Variants in BBS4 observed in about 807,000 individuals in gnomAD.
BBS4 encodes Bardet-Biedl syndrome 4.
BBS4 carries 58 observed loss-of-function variants against 71.4 expected under a neutral mutation model. That is an observed-to-expected ratio of 0.81 (90% CI 0.66 to 1.01). The LOEUF (loss-of-function observed/expected upper bound fraction) is 1.01. Among genes scored for constraint, BBS4 ranks in the 50% least tolerant of loss-of-function variants. The pLI is 0.00. For missense variants in BBS4, 660 were observed against 607.9 expected, an observed-to-expected ratio of 1.09 and a Z score of -0.90; for synonymous variants, 228 against 216.8, an observed-to-expected ratio of 1.05 and a Z score of -0.46.
rs138635761 is a variant in BBS4 at position 72,734,503 on chromosome 15, G to A, written c.1037-610G>A. Among the ~76,000 whole-genome samples the A allele has an allele frequency of 3.6e-3, 546 of 152,274 alleles. 3 individuals carry two copies. Among genetic ancestry groups the A allele is most frequent in the African/African-American group, 0.012 (508 of 41,554 alleles). On this transcript the variant is annotated intron_variant, in intron 12 of 15. Transcript: ENST00000268057. ...TGGGGTCAGATTATGGAGGTCATGCGTACAGTGCAAGGACTTTATCTTAGA... is the reference window on the plus strand; with the variant it reads ...TGGGGTCAGATTATGGAGGTCATGCATACAGTGCAAGGACTTTATCTTAGA...
Position 72,700,384 on chromosome 15 carries a change from GTTGTACAGTTTTAC to G in BBS4, c.76+5157_76+5170del, listed in dbSNP as rs2065149518. Among the ~76,000 whole-genome samples, 6 of 152,310 alleles carry G rather than the reference GTTGTACAGTTTTAC, an allele frequency of 3.9e-5. No individual in the cohort carries two copies. In the South Asian group the frequency reaches 1.2e-3, roughly 32 times the overall value. On this transcript the variant is annotated intron_variant, in intron 2 of 15. Coordinates refer to ENST00000268057, the MANE Select transcript of BBS4 (RefSeq NM_033028.5). ...AACTGCCGAAGTATTTTCCAAAGTGGTTGTACAGTTTTACCCGACCGCCAGCAACGTGTGAGGAT... is the reference window on the plus strand; with the variant it reads ...AACTGCCGAAGTATTTTCCAAAGTGGCCGACCGCCAGCAACGTGTGAGGAT...
At chr15:72,730,233 C>A (rs1009587068) in intron 10 of BBS4, among the ~76,000 whole-genome samples, 1 of 149,510 alleles carries the variant, frequency 6.7e-6, no homozygotes, top group African/African-American at 2.5e-5. Context: ...GCTGAGATCA[C>A]GCGCCACTGC....
Position 72,735,831 on chromosome 15 carries a change from C to T in BBS4, c.1113C>T (p.Asn371=). ...YAEAVHLDKC[N]PLVNLNYAVL... is the part of the protein sequence containing the mutation. ...GAATCTCTGTCTGCCACAGGTGTAACCCTTTAGTAAACCTGAACTATGCTG... is the reference window on the plus strand; with the variant it reads ...GAATCTCTGTCTGCCACAGGTGTAATCCTTTAGTAAACCTGAACTATGCTG... Residue 371 remains asparagine (N), a synonymous_variant, in exon 14 of 16, where the codon AAC becomes AAT. Transcript: ENST00000268057. 6.2e-7 allele frequency: 1 copy of T among 1,614,116 alleles called. No homozygotes were observed. The highest frequency in any genetic ancestry group is 8.5e-7 in the Non-Finnish European group (1 of 1,180,018).
intron 11 of BBS4, 45 bp downstream of exon 11, chr15:72,731,502 T>C: frequency 6.2e-7 from 1 of 1,614,228 alleles, no homozygotes; most frequent in Non-Finnish European, 8.5e-7. Flanking sequence ...TACATGTGGT[T>C]ATTGGGTCTG....
At chr15:72,717,190 C>G (rs565929189) in intron 6 of BBS4, 31 of 276,046 alleles carry the variant, frequency 1.1e-4, no homozygotes, top group South Asian at 9.5e-4. Flanking sequence ...TTTCCCGTCC[C>G]CATCTGTGTG....
At chr15:72,730,136 G>T in intron 10 of BBS4, among the ~76,000 whole-genome samples, 1 of 151,968 alleles carries the variant, frequency 6.6e-6, no homozygotes, top group Non-Finnish European at 1.5e-5. Context: ...AATTAGCCGG[G>T]CGTGGTGGCG....
chr15:72,707,290 T>C (rs1671906368), intron 2 of BBS4, among the ~76,000 whole-genome samples: 2 of 151,468 alleles, frequency 1.3e-5, no homozygotes, highest in South Asian at 4.2e-4. Flanking sequence ...GTGATTCTGG[T>C]GCCCAAGCCT....
rs749495840 is a variant in BBS4 at position 72,735,036 on chromosome 15, T to C, written c.1037-77T>C. 9.3e-6 allele frequency: 10 copies of C among 1,074,232 alleles called. No individual in the cohort carries two copies. The South Asian group carries it at 1.3e-4, about 14-fold the overall frequency. 66.5% of individuals were successfully genotyped at this position (1,074,232 alleles called of 1,614,324 possible). A position where few individuals can be genotyped will look rare whatever the true frequency, so the allele number is the denominator to read the frequency against. On this transcript the variant is annotated intron_variant, in intron 12 of 15. Coordinates refer to ENST00000268057, the MANE Select transcript of BBS4 (RefSeq NM_033028.5). ...TGCCATGAGCTGACAGGGTGAAGTTTACTTTGGGGGTAGTCTTTAATACTC... is the reference window on the plus strand; with the variant it reads ...TGCCATGAGCTGACAGGGTGAAGTTCACTTTGGGGGTAGTCTTTAATACTC...
At chr15:72,693,573 G>A (rs1400171153) in intron 1 of BBS4, among the ~76,000 whole-genome samples, 1 of 152,170 alleles carries the variant, frequency 6.6e-6, no homozygotes, top group Non-Finnish European at 1.5e-5. Flanking sequence ...GTAAACATGA[G>A]TGTGGGTATG....
At chr15:72,714,807 A>T (rs926509375) in intron 4 of BBS4, among the ~76,000 whole-genome samples, 2 of 152,158 alleles carry the variant, frequency 1.3e-5, no homozygotes, top group Non-Finnish European at 1.5e-5. Flanking sequence ...CTCTGGTTCT[A>T]ATTGGTTGTT....
At chr15:72,707,978 T>G (rs1378399428) in intron 2 of BBS4, among the ~76,000 whole-genome samples, 1 of 152,110 alleles carries the variant, frequency 6.6e-6, no homozygotes, top group Non-Finnish European at 1.5e-5. Flanking sequence ...TGATTTTTTT[T>G]TTTTTTTGAG....
chr15:72,733,678 G>A (rs1178517591), intron 12 of BBS4, among the ~76,000 whole-genome samples: 1 of 152,160 alleles, frequency 6.6e-6, no homozygotes. Context: ...TACCATTGAT[G>A]GGCATTTAGG....
chr15:72,697,837 G>A (rs1449491504), intron 2 of BBS4, among the ~76,000 whole-genome samples: 2 of 152,252 alleles, frequency 1.3e-5, no homozygotes, highest in African/African-American at 4.8e-5. Flanking sequence ...GGGATAAACA[G>A]ATTTCTGTTT....
intron 8 of BBS4, among the ~76,000 whole-genome samples, chr15:72,727,081 G>A (rs2065716435): frequency 6.6e-6 from 1 of 152,228 alleles, no homozygotes; most frequent in South Asian, 2.1e-4. Context: ...GGCAGAAAGT[G>A]AAAGGCGGAT....
intron 15 of BBS4, 42 bp downstream of exon 15, chr15:72,737,005 G>A: frequency 2.5e-6 from 4 of 1,593,838 alleles, no homozygotes; most frequent in Non-Finnish European, 3.4e-6. Flanking sequence ...GCAGGTACAA[G>A]CCACATGTGT....
chr15:72,709,703 C>T lies in BBS4; in HGVS notation c.80C>T (p.Pro27Leu), dbSNP rs748048479. The change falls in exon 3 of 16, where the codon CCA (proline) becomes CTA (leucine). Residue 27 changes from proline (P) to leucine (L), a missense_variant. Physicochemically the swap from Pro to Leu is moderately conservative, Grantham distance 98. Coordinates refer to ENST00000268057, the MANE Select transcript of BBS4 (RefSeq NM_033028.5). ...ESQKPRQKKA[P>L]EFPILEKQNW... is the part of the protein sequence containing the mutation. ...TTTGTCAAAATATGCTGCCTAGCTC[C>T]AGAGTTTCCTATTTTGGAGAAGCAG... 2.5e-6 allele frequency: 4 copies of T among 1,611,396 alleles called. No individual in the cohort carries two copies. The African/African-American group carries it at 4.0e-5, about 16-fold the overall frequency.
chr15:72,703,077 C>T, intron 2 of BBS4, among the ~76,000 whole-genome samples: 1 of 151,910 alleles, frequency 6.6e-6, no homozygotes, highest in Non-Finnish European at 1.5e-5. Context: ...TCCCAAAGTG[C>T]TGGGATTACA....
chr15:72,692,034 A>C (rs556740785), intron 1 of BBS4, among the ~76,000 whole-genome samples: 1 of 151,482 alleles, frequency 6.6e-6, no homozygotes, highest in South Asian at 2.1e-4. Context: ...TAGGGTTCAC[A>C]TTTTATGGAG....
At chr15:72,686,638 C>G (rs2064848787) in intron 1 of BBS4, 1 of 1,125,480 alleles carries the variant, frequency 8.9e-7, no homozygotes, top group Non-Finnish European at 1.2e-6. Context: ...TGGAAGCTTG[C>G]AGCGTCACTG....
Sources: gnomAD v4.1 joint callset for allele counts (sites outside exome capture counted in the v4.1 genomes callset) on GRCh38, gnomAD v4.1.1 for gene constraint, MANE v1.5 for transcripts, NCBI Gene and HGNC (gene_info 2026-07-23, HGNC 2026-07-21) for gene names.